CEP350: variants seen among roughly 807,000 people sequenced by gnomAD.
CEP350 encodes the protein centrosomal protein 350, also known as centrosome-associated protein 350.
CEP350 carries 126 observed loss-of-function variants against 331.8 expected under a neutral mutation model. The ratio of observed to expected loss-of-function variants is 0.38; its 90% confidence interval spans 0.33 to 0.44. The LOEUF (loss-of-function observed/expected upper bound fraction) is 0.44, where lower values mean the gene tolerates loss of function less well. Ranked by LOEUF, CEP350 falls within the 20% of genes least tolerant of loss-of-function variation. The pLI, the probability that CEP350 is intolerant of heterozygous loss-of-function variation, is 1.00. For synonymous variants in CEP350, 1,200 were observed against 1,259.5 expected (o/e 0.95, Z 1.00); for missense variants, 3,406 against 3,634.6 (o/e 0.94, Z 1.62).
intron 21 of CEP350, among the ~76,000 whole-genome samples, chr1:180,047,693 T>C (rs1324438490): frequency 7.7e-6 from 1 of 129,096 alleles, no homozygotes; most frequent in Admixed American, 1.0e-4. Context: ...ATCCAGGAAG[T>C]GGAGGTTGCA....
chr1:180,015,542 T>C (rs1654921316), intron 10 of CEP350, among the ~76,000 whole-genome samples: 1 of 152,088 alleles, frequency 6.6e-6, no homozygotes, highest in South Asian at 2.1e-4. Flanking sequence ...CCGGAAATTG[T>C]TTATTTTTTG....
chr1:180,031,878 A>G (rs1334959329), intron 15 of CEP350, among the ~76,000 whole-genome samples: 2 of 152,106 alleles, frequency 1.3e-5, no homozygotes, highest in Non-Finnish European at 2.9e-5. Context: ...CTCTACTTGA[A>G]GTGTTTTCAC....
chr1:180,088,233 G>A (rs956530491), intron 32 of CEP350, among the ~76,000 whole-genome samples: 1 of 152,088 alleles, frequency 6.6e-6, no homozygotes, highest in African/African-American at 2.4e-5. Context: ...TTCTCTGCAA[G>A]CGATGTAATA....
At chr1:180,074,918 G>A (rs561213976) in intron 27 of CEP350, 104 bp from the exon 28 acceptor site, 1 of 974,014 alleles carries the variant, frequency 1.0e-6, no homozygotes, top group Non-Finnish European at 1.5e-6. Context: ...TGAATGTTCT[G>A]CTTTTGCACA....
chr1:180,008,245 C>T (rs184224405), intron 8 of CEP350, among the ~76,000 whole-genome samples: 1 of 152,286 alleles, frequency 6.6e-6, no homozygotes, highest in East Asian at 1.9e-4. Flanking sequence ...AGTTCCATAA[C>T]ATTTTGGCCC....
chr1:180,043,976 A>T, intron 20 of CEP350, 75 bp from the exon 21 acceptor site: 1 of 1,203,296 alleles, frequency 8.3e-7, no homozygotes, highest in Non-Finnish European at 1.1e-6. Flanking sequence ...ATCTCATATT[A>T]CTATTAAGCA....
At chr1:180,039,046 G>A (rs1207586320) in intron 17 of CEP350, among the ~76,000 whole-genome samples, 10 of 141,752 alleles carry the variant, frequency 7.1e-5, no homozygotes, top group African/African-American at 2.4e-4. Context: ...GCGAAATCCC[G>A]TCTCTACTAT....
chr1:180,013,959 G>T lies in CEP350; in HGVS notation c.1506G>T (p.Lys502Asn), dbSNP rs1289597595. The T allele has an allele frequency of 4.3e-6, 7 of 1,613,590 alleles. No homozygotes were observed. The highest frequency in any genetic ancestry group is 5.9e-6 in the Non-Finnish European group (7 of 1,179,694). Residue 502 changes from lysine (K) to asparagine (N), a missense_variant, in exon 10 of 38, where the codon AAG (lysine) becomes AAT (asparagine). Physicochemically the swap from Lys to Asn is moderately conservative, Grantham distance 94 (BLOSUM62 0). Around this residue, in one of 5 missense-constraint regions of CEP350, gnomAD observed 1,857 missense variants for 1,909.2 expected, o/e 0.97. Coordinates refer to ENST00000367607, the MANE Select transcript of CEP350 (RefSeq NM_014810.5). ...RSKSRSENNI[K>N]KLASSLPDNK... ...AATCTCGGTCTGAAAATAATATAAAGAAACTAGCTTCATCTCTTCCAGATA... is the reference window on the plus strand; with the variant it reads ...AATCTCGGTCTGAAAATAATATAAATAAACTAGCTTCATCTCTTCCAGATA...
chr1:179,973,840 T>A (rs919433733), intron 1 of CEP350, among the ~76,000 whole-genome samples: 1 of 152,072 alleles, frequency 6.6e-6, no homozygotes, highest in Non-Finnish European at 1.5e-5. Context: ...TTTCTTTTTC[T>A]CCCCCTCATT....
intron 14 of CEP350, among the ~76,000 whole-genome samples, chr1:180,027,551 A>C (rs1655762499): frequency 6.6e-6 from 1 of 151,714 alleles, no homozygotes; most frequent in Non-Finnish European, 1.5e-5. Flanking sequence ...CACCTGGCTA[A>C]TTTTTCTATT....
At chr1:180,024,864 T>C (rs895311321) in intron 14 of CEP350, among the ~76,000 whole-genome samples, 1 of 152,082 alleles carries the variant, frequency 6.6e-6, no homozygotes, top group Non-Finnish European at 1.5e-5. Context: ...GTTCAGAGAT[T>C]AACTACTATT....
intron 22 of CEP350, among the ~76,000 whole-genome samples, chr1:180,050,274 A>G (rs182110191): frequency 2.6e-5 from 4 of 152,330 alleles, no homozygotes; most frequent in Admixed American, 2.6e-4. Flanking sequence ...AGACATTGTG[A>G]AGAGAATGAA....
rs1558093105 is a variant in CEP350, at chr1:180,004,900, TTGCTTG to T, written c.1133-1553_1133-1548del. 1.5e-3 allele frequency among the ~76,000 whole-genome samples: 86 copies of T among 59,296 alleles called. 1 individual carries two copies. The highest frequency in any genetic ancestry group is 3.1e-3 in the East Asian group (5 of 1,616). The allele number at this position is 59,296 out of a possible 152,430, so 38.9% of individuals were successfully genotyped here. On this transcript the variant is annotated intron_variant, in intron 7 of 37. Coordinates refer to ENST00000367607, the MANE Select transcript of CEP350 (RefSeq NM_014810.5). ...CTTGCTTGCTTGCTTGCTTGCTTGC[TTGCTTG>T]CTTTCTTTCTTTCTTTCTTTCTTTC...
chr1:180,041,385 A>G, intron 18 of CEP350, 137 bp downstream of exon 18: 1 of 695,576 alleles, frequency 1.4e-6, no homozygotes, highest in Middle Eastern at 4.1e-4. Flanking sequence ...TTATGGGATA[A>G]TGCCATGTAA....
intron 11 of CEP350, among the ~76,000 whole-genome samples, chr1:180,017,050 G>A (rs1655025809): frequency 6.6e-6 from 1 of 152,074 alleles, no homozygotes; most frequent in African/African-American, 2.4e-5. Flanking sequence ...TAGGTTCCAG[G>A]CAATGATCTA....
chr1:180,053,637 T>C (rs1657641901), intron 23 of CEP350, 113 bp from the exon 24 acceptor site: 2 of 568,628 alleles, frequency 3.5e-6, no homozygotes, highest in South Asian at 8.5e-5. Flanking sequence ...TCTTACATTG[T>C]TGGTGGCCTT....
At chr1:179,962,938 G>A (rs998065422) in intron 1 of CEP350, among the ~76,000 whole-genome samples, 5 of 152,142 alleles carry the variant, frequency 3.3e-5, no homozygotes, top group African/African-American at 1.2e-4. Context: ...CACCAGCAGT[G>A]TATGATACTC....
intron 25 of CEP350, among the ~76,000 whole-genome samples, chr1:180,061,228 C>T (rs1276267435): frequency 6.6e-6 from 1 of 152,154 alleles, no homozygotes; most frequent in Admixed American, 6.5e-5. Context: ...CAGGGTCTCA[C>T]TCTGTTTCCT....
chr1:180,092,942 T>C lies in CEP350; in HGVS notation c.6837T>C (p.Gly2279=). 2 of 1,591,026 alleles carry C rather than the reference T, an allele frequency of 1.3e-6. No homozygotes were observed. The highest frequency in any genetic ancestry group is 1.7e-6 in the Non-Finnish European group (2 of 1,166,968). The change falls in exon 34 of 38, where the codon GGT becomes GGC. Residue 2279 remains glycine, a synonymous_variant. Transcript: ENST00000367607. The part of the protein sequence containing the change: ...SKIEDAFSKE[G]KSDVLLKLVL... ...TTGAAGATGCCTTTTCTAAAGAAGG[T>C]AAATCTGATGTCTTACTGAAATTAG...
Sources: allele counts gnomAD v4.1 joint callset (sites outside exome capture counted in the v4.1 genomes callset), GRCh38; gene constraint gnomAD v4.1.1; regional missense constraint gnomAD v4.1.1; transcripts MANE v1.5; gene names NCBI Gene and HGNC (gene_info 2026-07-23, HGNC 2026-07-21).